The following M1AP variants were observed in gnomAD, a reference collection of about 807,000 sequenced individuals.
The protein encoded by M1AP is meiosis 1 arrest protein.
M1AP carries 39 observed loss-of-function variants against 51.2 expected under a neutral mutation model. That is an observed-to-expected ratio of 0.76 (90% CI 0.59 to 1.00). The LOEUF (loss-of-function observed/expected upper bound fraction) is 1.00. Ranked by LOEUF, M1AP falls within the 50% of genes least tolerant of loss-of-function variation. The pLI, the probability that M1AP is intolerant of heterozygous loss-of-function variation, is 0.00. For missense variants in M1AP, 545 were observed against 641.2 expected (o/e 0.85, Z 1.62); for synonymous variants, 251 against 249.2 (o/e 1.01, Z -0.07).
Position 74,617,467 on chromosome 2 carries a change from C to T in M1AP, c.241-2318G>A, listed in dbSNP as rs539850383. On this transcript the variant is annotated intron_variant, in intron 2 of 10. Coordinates refer to ENST00000421985, the MANE Select transcript of M1AP (RefSeq NM_001321739.2). ...GCATGTTCTGACTTATAAGTGCGAG[C>T]TAAATGATGAGAACACATGGACACA... Among the ~76,000 whole-genome samples the T allele has an allele frequency of 5.3e-5, 8 of 152,274 alleles. No homozygotes were observed. In the East Asian group the frequency reaches 1.5e-3, roughly 29 times the overall value.
At chr2:74,630,511 T>A (rs747925538) in intron 2 of M1AP, among the ~76,000 whole-genome samples, 1 of 152,156 alleles carries the variant, frequency 6.6e-6, no homozygotes, top group Non-Finnish European at 1.5e-5. Flanking sequence ...GGCCCCAGTG[T>A]GTGTTGTTCC....
At chr2:74,642,481 C>G (rs1411085630) in intron 1 of M1AP, among the ~76,000 whole-genome samples, 2 of 152,126 alleles carry the variant, frequency 1.3e-5, no homozygotes, top group Non-Finnish European at 2.9e-5. Context: ...TAGGAATAAT[C>G]TGACAAAATA....
chr2:74,642,035 G>A lies in M1AP; in HGVS notation c.-52-1708C>T, dbSNP rs367584347. Among the ~76,000 whole-genome samples, 18 of 151,952 alleles carry A rather than the reference G, an allele frequency of 1.2e-4. No individual in the cohort carries two copies. In the East Asian group the frequency reaches 3.1e-3, roughly 26 times the overall value. ...TAGTTTTGTATTTTTAGTAGAGACA[G>A]GGTTTCTCCATGTTGGTCATGCTGG... On this transcript the variant is annotated intron_variant, in intron 1 of 10. Coordinates refer to ENST00000421985, the MANE Select transcript of M1AP (RefSeq NM_001321739.2).
intron 8 of M1AP, 46 bp downstream of exon 8, chr2:74,562,171 T>G: frequency 6.4e-7 from 1 of 1,553,088 alleles, no homozygotes; most frequent in South Asian, 1.2e-5. Context: ...TTTCTCAAAC[T>G]CCATTCGCTT....
chr2:74,625,579 C>A (rs1363674461), intron 2 of M1AP, among the ~76,000 whole-genome samples: 1 of 152,120 alleles, frequency 6.6e-6, no homozygotes, highest in Non-Finnish European at 1.5e-5. Flanking sequence ...TTCCTTTAAG[C>A]ATTTCTCTTT....
intron 10 of M1AP, 36 bp downstream of exon 10, chr2:74,559,662 C>T: frequency 1.4e-6 from 1 of 718,338 alleles, no homozygotes; most frequent in South Asian, 1.5e-5. Context: ...TCTTGGTCAG[C>T]CTCCTTTCCT....
At chr2:74,563,567 A>G (rs1393136310) in intron 7 of M1AP, among the ~76,000 whole-genome samples, 1 of 150,890 alleles carries the variant, frequency 6.6e-6, no homozygotes, top group Non-Finnish European at 1.5e-5. Context: ...CCATTGCACT[A>G]CAGCCTGGGC....
In M1AP at chr2:74,615,005, G is replaced by A; in HGVS notation, c.385C>T (p.His129Tyr). 1 of 1,614,168 alleles carries A rather than the reference G, an allele frequency of 6.2e-7. No individual in the cohort carries two copies. Among genetic ancestry groups the A allele is most frequent in the East Asian group, 2.2e-5 (1 of 44,882 alleles). ...GTCAGAGCTGCCCTTGTGGTCACAT[G>A]TCTGCTGTATTGTTTGAATTGCTGG... ...GLQQFKQYSR[H>Y]VTTRAALTYT... Residue 129 changes from histidine to tyrosine, a missense_variant, in exon 3 of 11, where the codon CAT becomes TAT. Transcript: ENST00000421985.
At chr2:74,614,471 C>A (rs1681548742) in intron 3 of M1AP, among the ~76,000 whole-genome samples, 1 of 152,142 alleles carries the variant, frequency 6.6e-6, no homozygotes, top group African/African-American at 2.4e-5. Flanking sequence ...AATGGAGTAT[C>A]CAGCCATGCC....
intron 2 of M1AP, among the ~76,000 whole-genome samples, chr2:74,639,716 A>C (rs1205785436): frequency 6.6e-6 from 1 of 152,244 alleles, no homozygotes; most frequent in Non-Finnish European, 1.5e-5. Flanking sequence ...TTGTGTGTTT[A>C]CATTTCAAAG....
intron 4 of M1AP, among the ~76,000 whole-genome samples, chr2:74,585,232 G>T (rs1159623607): frequency 6.6e-6 from 1 of 152,178 alleles, no homozygotes; most frequent in Non-Finnish European, 1.5e-5. Context: ...ACAGCGATGC[G>T]TGCTGGCAGT....
At chr2:74,618,647 C>T (rs962522898) in intron 2 of M1AP, among the ~76,000 whole-genome samples, 1 of 152,180 alleles carries the variant, frequency 6.6e-6, no homozygotes, top group African/African-American at 2.4e-5. Context: ...CAATTAACAG[C>T]TGGATTGATG....
At chr2:74,632,328 G>A (rs1026466336) in intron 2 of M1AP, among the ~76,000 whole-genome samples, 1 of 152,206 alleles carries the variant, frequency 6.6e-6, no homozygotes, top group Non-Finnish European at 1.5e-5. Flanking sequence ...AGCTGGTCAT[G>A]TTCTTGGAAT....
chr2:74,612,577 G>C (rs559617850), intron 3 of M1AP, among the ~76,000 whole-genome samples: 1 of 151,800 alleles, frequency 6.6e-6, no homozygotes, highest in South Asian at 2.1e-4. Context: ...GTCTATTCTT[G>C]TTCTTCTAGT....
chr2:74,609,164 C>T (rs1489018991), intron 3 of M1AP, among the ~76,000 whole-genome samples: 2 of 152,116 alleles, frequency 1.3e-5, no homozygotes, highest in Admixed American at 1.3e-4. Flanking sequence ...GAACTTATTC[C>T]TCCTAATTGT....
At chr2:74,568,398 G>T (rs1678523573) in intron 7 of M1AP, among the ~76,000 whole-genome samples, 1 of 152,240 alleles carries the variant, frequency 6.6e-6, no homozygotes, top group East Asian at 1.9e-4. Context: ...AGGTAGCTAA[G>T]CCTCTGGAGA....
intron 2 of M1AP, among the ~76,000 whole-genome samples, 176 bp downstream of exon 2, chr2:74,639,860 C>G (rs1683190853): frequency 6.6e-6 from 1 of 152,230 alleles, no homozygotes; most frequent in Non-Finnish European, 1.5e-5. Flanking sequence ...TTCAACAGTA[C>G]ACACCCCTAT....
At position 74,558,788 on chromosome 2, in the gene M1AP, T is replaced by A; in HGVS notation, c.1521A>T (p.Pro507=). ...CATCTGAGGAAGATTTGCTGGCTGCTGGCATCTTGGAGGCTCTGCCTGGGA... is the reference window on the plus strand; with the variant it reads ...CATCTGAGGAAGATTTGCTGGCTGCAGGCATCTTGGAGGCTCTGCCTGGGA... ...TPVPGRASKM[P]AASKSSSDAF... is the part of the protein sequence containing the mutation. The change falls in exon 11 of 11, where the codon CCA becomes CCT. Residue 507 remains proline, a synonymous_variant. Coordinates refer to ENST00000421985, the MANE Select transcript of M1AP (RefSeq NM_001321739.2). 3 of 1,612,154 alleles carry A rather than the reference T, an allele frequency of 1.9e-6. No individual in the cohort carries two copies. The highest frequency in any genetic ancestry group is 2.5e-6 in the Non-Finnish European group (3 of 1,179,268).
At position 74,570,725 on chromosome 2, in the gene M1AP, T is replaced by C. The variant is rs753845625; in HGVS notation, c.1074+4713A>G. Among the ~76,000 whole-genome samples the C allele has an allele frequency of 2.3e-4, 35 of 152,214 alleles. 2 individuals carry two copies. Among genetic ancestry groups the C allele is most frequent in the South Asian group, 1.0e-3 (5 of 4,810 alleles). On this transcript the variant is annotated intron_variant, in intron 7 of 10. Transcript: ENST00000421985. ...GGTTTCTGTATTAATTTGGTTGGAGTGTATGGTACATGAAGGGGAATAATG... is the reference window on the plus strand; with the variant it reads ...GGTTTCTGTATTAATTTGGTTGGAGCGTATGGTACATGAAGGGGAATAATG...
Sources: gnomAD v4.1 joint callset for allele counts (sites outside exome capture counted in the v4.1 genomes callset) on GRCh38, gnomAD v4.1.1 for gene constraint, MANE v1.5 for transcripts, NCBI Gene and HGNC (gene_info 2026-07-23, HGNC 2026-07-21) for gene names.